BMP8A: variants seen among roughly 807,000 people sequenced by gnomAD.
BMP8A encodes BMP-8A.
BMP8A carries 14 observed loss-of-function variants against 36.8 expected under a neutral mutation model. That is an observed-to-expected ratio of 0.38 (90% CI 0.25 to 0.60). The LOEUF (loss-of-function observed/expected upper bound fraction) is 0.60. Ranked by LOEUF, BMP8A falls within the 20% of genes least tolerant of loss-of-function variation. The probability of loss-of-function intolerance (pLI) is 0.63; values close to 1 mark genes in which losing one functional copy is unlikely to be tolerated. For synonymous variants in BMP8A, 120 were observed against 237.7 expected, an observed-to-expected ratio of 0.50 and a Z score of 4.55; for missense variants, 267 against 551.1, an observed-to-expected ratio of 0.48 and a Z score of 5.16.
At chr1:39,504,624 C>T (rs1570285752) in intron 1 of BMP8A, among the ~76,000 whole-genome samples, 1 of 152,244 alleles carries the variant, frequency 6.6e-6, no homozygotes, top group South Asian at 2.1e-4. Flanking sequence ...CCCCTCCACA[C>T]CTGTGGGTAT....
chr1:39,492,281 A>G lies in BMP8A; in HGVS notation c.290A>G (p.Gln97Arg), dbSNP rs759492917. The change falls in exon 1 of 7, where the codon CAG (glutamine) becomes CGG (arginine). Residue 97 changes from glutamine to arginine, a missense_variant. This residue lies in a region of BMP8A where 37 missense variants were observed against 39.5 expected (regional missense o/e 0.94). Coordinates refer to ENST00000331593, the MANE Select transcript of BMP8A (RefSeq NM_181809.4). ...GACGAGGACGGCGCGCCCGCGGAGC[A>G]GCGCCTGGGCCGCGCCGACCTGGTC... is the stretch of plus-strand genomic sequence containing the variant. ...DDDEDGAPAE[Q>R]RLGRADLVMS... 14 of 1,563,374 alleles carry G rather than the reference A, an allele frequency of 9.0e-6. No individual in the cohort carries two copies. Among genetic ancestry groups the G allele is most frequent in the African/African-American group, 8.5e-5 (6 of 70,298 alleles).
At chr1:39,517,202 G>A (rs996806122) in intron 3 of BMP8A, among the ~76,000 whole-genome samples, 1 of 151,746 alleles carries the variant, frequency 6.6e-6, no homozygotes, top group African/African-American at 2.4e-5. Flanking sequence ...TCACCATGTT[G>A]CCCAGGCTGG....
rs1420719921 is a variant in BMP8A at position 39,527,188 on chromosome 1, T to G, written c.*1390T>G. On this transcript the variant is annotated 3_prime_UTR_variant, in exon 7 of 7. Coordinates refer to ENST00000331593, the MANE Select transcript of BMP8A (RefSeq NM_181809.4). Reference sequence around the variant, plus strand: ...CTGTCCTGTGTCTTGGGTCTGTGAGTCAAAGAAAAGGTCCCTGTCCCAGGG... The same window carrying G: ...CTGTCCTGTGTCTTGGGTCTGTGAGGCAAAGAAAAGGTCCCTGTCCCAGGG... Among the ~76,000 whole-genome samples, 2 of 151,982 alleles carry G rather than the reference T, an allele frequency of 1.3e-5. No homozygotes were observed. Among genetic ancestry groups the G allele is most frequent in the African/African-American group, 2.4e-5 (1 of 41,392 alleles).
chr1:39,496,054 G>A (rs60733995), intron 1 of BMP8A, among the ~76,000 whole-genome samples: 23,053 of 145,746 alleles, frequency 0.16, no homozygotes, highest in East Asian at 0.25. Context: ...GACCTGGCCC[G>A]GGTCCTGCTC....
At chr1:39,492,348 G>A in intron 1 of BMP8A, 23 bp downstream of exon 1, 2 of 1,530,198 alleles carry the variant, frequency 1.3e-6, no homozygotes, top group Non-Finnish European at 8.7e-7. Context: ...GCCCGCGCGG[G>A]GACCCTCGGA....
At chr1:39,506,454 G>A (rs951831385) in intron 1 of BMP8A, among the ~76,000 whole-genome samples, 2 of 151,836 alleles carry the variant, frequency 1.3e-5, no homozygotes, top group South Asian at 2.1e-4. Flanking sequence ...TGATCCACCC[G>A]CCTCGGCCTC....
Position 39,491,874 on chromosome 1 carries a change from C to A in BMP8A, c.-118C>A. ...GACCGCGCTGAGGCCGCAGACGCCG[C>A]CCGCCGAGCCCCGCCCCCTGCTCGC... On this transcript the variant is annotated 5_prime_UTR_variant, in exon 1 of 7. Coordinates refer to ENST00000331593, the MANE Select transcript of BMP8A (RefSeq NM_181809.4). 1.1e-6 allele frequency: 1 copy of A among 909,142 alleles called. No individual in the cohort carries two copies. The highest frequency in any genetic ancestry group is 1.3e-6 in the Non-Finnish European group (1 of 751,564). The allele number at this position is 909,142 out of a possible 1,614,324, so 56.3% of individuals were successfully genotyped here. A position where few individuals can be genotyped will look rare whatever the true frequency, so the allele number is the denominator to read the frequency against.
intron 1 of BMP8A, among the ~76,000 whole-genome samples, chr1:39,501,037 CTTCAA>C (rs1265994982): frequency 2.0e-5 from 3 of 152,216 alleles, no homozygotes; most frequent in African/African-American, 7.2e-5. Flanking sequence ...CCTCAGGCTA[CTTCAA>C]TTCATGGCAG....
chr1:39,525,670 G>A lies in BMP8A; in HGVS notation c.1081G>A (p.Ala361Thr), dbSNP rs146209962. 7.0e-4 allele frequency: 1,126 copies of A among 1,613,998 alleles called. No individual in the cohort carries two copies. Among genetic ancestry groups the A allele is most frequent in the Non-Finnish European group, 8.7e-4 (1,021 of 1,180,000 alleles). ...QSLVHLMKPN[A>T]VPKACCAPTK... ...CCAGGTGCACCTGATGAAGCCAAAC[G>A]CAGTCCCCAAGGCGTGCTGTGCACC... The change falls in exon 7 of 7, where the codon GCA becomes ACA. Residue 361 changes from alanine (A) to threonine (T), a missense_variant. Ala to Thr is a moderately conservative substitution (Grantham distance 58). This residue lies in a region of BMP8A where 132 missense variants were observed against 151.3 expected (regional missense o/e 0.87). Coordinates refer to ENST00000331593, the MANE Select transcript of BMP8A (RefSeq NM_181809.4).
chr1:39,523,431 A>T (rs1343015706), intron 6 of BMP8A: 2 of 1,171,696 alleles, frequency 1.7e-6, no homozygotes, highest in Non-Finnish European at 2.3e-6. Flanking sequence ...GAGGCACAGC[A>T]CATGAAACAG....
At chr1:39,523,465 T>C (rs1645450749) in intron 6 of BMP8A, 2 of 1,262,734 alleles carry the variant, frequency 1.6e-6, no homozygotes, top group Non-Finnish European at 2.1e-6. Context: ...GTGGGGGCTG[T>C]GTGATCTTAA....
chr1:39,523,785 G>A, intron 6 of BMP8A: 1 of 1,095,566 alleles, frequency 9.1e-7, no homozygotes, highest in Middle Eastern at 3.0e-4. Flanking sequence ...TGGCACCGAG[G>A]CTTCCTTCTA....
intron 3 of BMP8A, among the ~76,000 whole-genome samples, chr1:39,518,218 CAG>C (rs1326614108): frequency 6.6e-6 from 1 of 150,904 alleles, no homozygotes; most frequent in East Asian, 1.9e-4. Context: ...GGCATGTGGT[CAG>C]AGTAGTAAGT....
chr1:39,510,854 C>T (rs1462317483), intron 1 of BMP8A, among the ~76,000 whole-genome samples: 5 of 152,212 alleles, frequency 3.3e-5, no homozygotes, highest in Non-Finnish European at 5.9e-5. Context: ...TCCCTCCTGT[C>T]TCATCTCTGG....
intron 1 of BMP8A, among the ~76,000 whole-genome samples, chr1:39,499,093 C>T (rs1339471040): frequency 1.3e-5 from 2 of 152,254 alleles, no homozygotes; most frequent in African/African-American, 4.8e-5. Flanking sequence ...CATCCCGGCC[C>T]TCCAAGGGCT....
At chr1:39,509,292 C>T (rs1415809699) in intron 1 of BMP8A, among the ~76,000 whole-genome samples, 1 of 152,230 alleles carries the variant, frequency 6.6e-6, no homozygotes, top group East Asian at 1.9e-4. Context: ...GGGATTCTTA[C>T]ACAGCCATGT....
chr1:39,497,385 C>T (rs1350696373), intron 1 of BMP8A, among the ~76,000 whole-genome samples: 3 of 152,142 alleles, frequency 2.0e-5, no homozygotes, highest in Non-Finnish European at 4.4e-5. Context: ...AGCTGGAAGC[C>T]GACACACAGT....
At chr1:39,515,573 C>G in intron 3 of BMP8A, 3 of 1,444,334 alleles carry the variant, frequency 2.1e-6, no homozygotes, top group Non-Finnish European at 9.5e-7. Flanking sequence ...TCCGGGCAGA[C>G]TTCGCCCTGG....
intron 1 of BMP8A, among the ~76,000 whole-genome samples, chr1:39,504,589 T>A (rs114362935): frequency 6.6e-6 from 1 of 152,024 alleles, no homozygotes; most frequent in Non-Finnish European, 1.5e-5. Context: ...AAGCCCCACA[T>A]TGGGCGTCAG....
Sources: allele counts gnomAD v4.1 joint callset (sites outside exome capture counted in the v4.1 genomes callset), GRCh38; gene constraint gnomAD v4.1.1; regional missense constraint gnomAD v4.1.1; transcripts MANE v1.5; gene names NCBI Gene and HGNC (gene_info 2026-07-23, HGNC 2026-07-21).